The following HEATR1 variants were observed in gnomAD, a reference collection of about 807,000 sequenced individuals.
HEATR1 encodes HEAT repeat-containing protein 1.
HEATR1 carries 77 observed loss-of-function variants against 248.2 expected under a neutral mutation model. The ratio of observed to expected loss-of-function variants is 0.31; its 90% CI spans 0.26 to 0.37. The LOEUF (loss-of-function observed/expected upper bound fraction) is 0.37, where lower values mean the gene tolerates loss of function less well. HEATR1 is among the 10% of genes least tolerant of loss of function. The pLI, the probability that HEATR1 is intolerant of heterozygous loss-of-function variation, is 1.00. For missense variants in HEATR1, 2,420 were observed against 2,504.9 expected, an observed-to-expected ratio of 0.97 and a Z score of 0.72; for synonymous variants, 897 against 923.1, an observed-to-expected ratio of 0.97 and a Z score of 0.51.
chr1:236,580,489 G>A (rs1663686859), intron 20 of HEATR1, among the ~76,000 whole-genome samples: 1 of 149,130 alleles, frequency 6.7e-6, no homozygotes, highest in South Asian at 2.1e-4. Context: ...ATACTTAGAA[G>A]TGACCAGAAA....
At position 236,576,255 on chromosome 1, in the gene HEATR1, T is replaced by G; in HGVS notation, c.3048A>C (p.Lys1016Asn). 1 of 1,607,658 alleles carries G rather than the reference T, an allele frequency of 6.2e-7. No individual in the cohort carries two copies. Among genetic ancestry groups the G allele is most frequent in the South Asian group, 1.1e-5 (1 of 89,268 alleles). Residue 1016 changes from lysine (K) to asparagine (N), a missense_variant, in exon 22 of 45, where the codon AAA becomes AAC. By Grantham distance (94) the Lys-to-Asn change is moderately conservative. Coordinates refer to ENST00000366582, the MANE Select transcript of HEATR1 (RefSeq NM_018072.6). ...CVYSCPSYIA[K>N]DLMKVLQGVN... ...CTCCCTGAAGTACTTTCATCAAATC[T>G]TTTGCTATATAAGATGGGCAACTAT...
chr1:236,557,007 A>C (rs1376237942), intron 37 of HEATR1, among the ~76,000 whole-genome samples, 188 bp downstream of exon 37: 1 of 152,240 alleles, frequency 6.6e-6, no homozygotes, highest in African/African-American at 2.4e-5. Flanking sequence ...CAATTTCAAG[A>C]TTAAGTGGCA....
In HEATR1 at chr1:236,576,870, G is replaced by A. The variant is rs776050226; in HGVS notation, c.2835C>T (p.Leu945=). ...RRAAIQCLQA[L]SGVASPFYLI... ...GATAAAACGGGGATGCCACTCCACTGAGGGCCTGGAGACACTGAATGGCAG... is the reference window on the plus strand; with the variant it reads ...GATAAAACGGGGATGCCACTCCACTAAGGGCCTGGAGACACTGAATGGCAG... The change falls in exon 21 of 45, where the codon CTC becomes CTT. Residue 945 remains leucine, a synonymous_variant. Transcript: ENST00000366582. The A allele has an allele frequency of 1.9e-6, 3 of 1,613,810 alleles. No individual in the cohort carries two copies. The highest frequency in any genetic ancestry group is 2.5e-6 in the Non-Finnish European group (3 of 1,179,704).
intron 3 of HEATR1, among the ~76,000 whole-genome samples, chr1:236,601,559 T>C (rs901380120): frequency 2.6e-5 from 4 of 152,130 alleles, no homozygotes; most frequent in African/African-American, 9.7e-5. Flanking sequence ...CCCCAGCACT[T>C]TGGGAGGCCG....
At chr1:236,604,272 T>C (rs1664413609) in intron 1 of HEATR1, 145 bp from the exon 2 acceptor site, 1 of 572,312 alleles carries the variant, frequency 1.7e-6, no homozygotes, top group African/African-American at 2.0e-5. Flanking sequence ...GCAAAGACGA[T>C]GGCAGCAGCG....
At chr1:236,555,258 A>T (rs1457363359) in intron 41 of HEATR1, 38 bp downstream of exon 41, 22 of 1,601,498 alleles carry the variant, frequency 1.4e-5, no homozygotes, top group Non-Finnish European at 1.8e-5. Context: ...TAAGGCACAC[A>T]GGGCAAGGGT....
intron 29 of HEATR1, among the ~76,000 whole-genome samples, chr1:236,568,637 T>C (rs1323860584): frequency 6.6e-6 from 1 of 152,146 alleles, no homozygotes; most frequent in Non-Finnish European, 1.5e-5. Context: ...CTCATCAACA[T>C]GTAAGAAGGT....
intron 4 of HEATR1, among the ~76,000 whole-genome samples, chr1:236,598,768 G>A (rs1664241314): frequency 1.3e-5 from 2 of 152,108 alleles, no homozygotes; most frequent in Admixed American, 1.3e-4. Context: ...TGATCTGTTA[G>A]CTTACCTTCA....
At chr1:236,573,222 T>C (rs1663474206) in intron 24 of HEATR1, among the ~76,000 whole-genome samples, 1 of 152,164 alleles carries the variant, frequency 6.6e-6, no homozygotes, top group Non-Finnish European at 1.5e-5. Context: ...AATTTCACGC[T>C]CATCCCTTAG....
chr1:236,597,959 A>C lies in HEATR1; in HGVS notation c.522T>G (p.Ala174=). 1 of 1,613,030 alleles carries C rather than the reference A, an allele frequency of 6.2e-7. No homozygotes were observed. Among genetic ancestry groups the C allele is most frequent in the Non-Finnish European group, 8.5e-7 (1 of 1,179,270 alleles). ...AGCAGTGGGTAATCAAAGTTCCTTTAGCTAACGGCACTCCAGATTGCTGTT... is the reference window on the plus strand; with the variant it reads ...AGCAGTGGGTAATCAAAGTTCCTTTCGCTAACGGCACTCCAGATTGCTGTT... ...LPVKQSGVPL[A]KGTLITHCYK... The change falls in exon 5 of 45, where the codon GCT becomes GCG. Residue 174 remains alanine, a synonymous_variant. Transcript: ENST00000366582.
rs146109914 is a variant in HEATR1, at chr1:236,587,966, C to T, written c.1608G>A (p.Ser536=). 8.5e-5 allele frequency: 137 copies of T among 1,610,256 alleles called. No individual in the cohort carries two copies. In the African/African-American group the frequency reaches 1.4e-3, roughly 16 times the overall value. ...CACTCACCTCAAAAGCACTTATAGCCGACAAAACAACATCTATATTATCAT... is the reference window on the plus strand; with the variant it reads ...CACTCACCTCAAAAGCACTTATAGCTGACAAAACAACATCTATATTATCAT... ...LGDDNIDVVL[S]AISAFEIFKE... Residue 536 remains serine (S), a synonymous_variant, in exon 13 of 45, where the codon TCG becomes TCA. Transcript: ENST00000366582.
At chr1:236,591,686 A>T (rs571403857) in intron 11 of HEATR1, among the ~76,000 whole-genome samples, 1 of 152,200 alleles carries the variant, frequency 6.6e-6, no homozygotes, top group South Asian at 2.1e-4. Context: ...AAGACAGAGA[A>T]TGCTAGAAAC....
intron 34 of HEATR1, 110 bp downstream of exon 34, chr1:236,559,604 T>A: frequency 2.3e-6 from 3 of 1,290,198 alleles, no homozygotes; most frequent in Non-Finnish European, 3.2e-6. Flanking sequence ...TGAGCTTCAT[T>A]ATATTCATAA....
chr1:236,569,752 C>G (rs1298997977), intron 28 of HEATR1, among the ~76,000 whole-genome samples: 2 of 152,134 alleles, frequency 1.3e-5, no homozygotes, highest in African/African-American at 4.8e-5. Context: ...ACATAAAATT[C>G]CGTGTGACCC....
At chr1:236,601,404 G>A (rs2564735) in intron 3 of HEATR1, among the ~76,000 whole-genome samples, 80,856 of 152,014 alleles carry the variant, frequency 0.53, 23,520 homozygotes, top group Non-Finnish European at 0.65. Context: ...TCGCCACTGC[G>A]CCCAGCTAAT....
chr1:236,574,063 CTTACTTT>C (rs1663501117), intron 24 of HEATR1, 132 bp downstream of exon 24: 2 of 628,510 alleles, frequency 3.2e-6, no homozygotes, highest in African/African-American at 1.9e-5. Flanking sequence ...CTCTCTCTGA[CTTACTTT>C]TCCATGATTT....
chr1:236,571,509 G>A (rs766465756), intron 27 of HEATR1, 37 bp from the exon 28 acceptor site: 1 of 1,613,248 alleles, frequency 6.2e-7, no homozygotes, highest in Non-Finnish European at 8.5e-7. Flanking sequence ...CTAAGTGGCA[G>A]GTACACTCAC....
At chr1:236,601,659 A>G (rs1464451707) in intron 3 of HEATR1, among the ~76,000 whole-genome samples, 1 of 110,262 alleles carries the variant, frequency 9.1e-6, no homozygotes, top group African/African-American at 2.8e-5. Flanking sequence ...TGGAAAAACA[A>G]AAACAAAAAC....
At chr1:236,581,869 T>C (rs1663755389) in intron 19 of HEATR1, among the ~76,000 whole-genome samples, 1 of 152,188 alleles carries the variant, frequency 6.6e-6, no homozygotes, top group African/African-American at 2.4e-5. Context: ...ATTCACATTT[T>C]TAAATGGTAT....
Sources: gnomAD v4.1 joint callset for allele counts (sites outside exome capture counted in the v4.1 genomes callset) on GRCh38, gnomAD v4.1.1 for gene constraint, MANE v1.5 for transcripts, NCBI Gene and HGNC (gene_info 2026-07-23, HGNC 2026-07-21) for gene names.